Variants in DPF3 observed in about 807,000 individuals in gnomAD.
DPF3 encodes the protein double PHD fingers 3.
DPF3 carries 18 observed loss-of-function variants against 56.8 expected under a neutral mutation model. The observed-to-expected ratio is 0.32, with a 90% confidence interval of 0.22 to 0.47. DPF3 has a LOEUF of 0.47. Among genes scored for constraint, DPF3 ranks in the 20% least tolerant of loss-of-function variants. The pLI, the probability that DPF3 is intolerant of heterozygous loss-of-function variation, is 1.00. For missense variants in DPF3, 403 were observed against 488.8 expected, an observed-to-expected ratio of 0.82 and a Z score of 1.65; for synonymous variants, 188 against 180.2, an observed-to-expected ratio of 1.04 and a Z score of -0.35.
At chr14:72,644,432 A>G (rs932435633) in intron 8 of DPF3, among the ~76,000 whole-genome samples, 2 of 152,228 alleles carry the variant, frequency 1.3e-5, no homozygotes, top group African/African-American at 4.8e-5. Flanking sequence ...CTGAATGAGA[A>G]TTGATCTCGC....
chr14:72,756,928 A>AAGAAAGAAAGAAAGAAAGAAAGAAAGAAG (rs1428028523), intron 2 of DPF3, among the ~76,000 whole-genome samples: 94 of 139,164 alleles, frequency 6.8e-4, no homozygotes, highest in African/African-American at 2.2e-3. Flanking sequence ...GAAAGAAAGA[A>AAGAAAGAAAGAAAGAAAGAAAGAAAGAAG]AGAAGAGAAG....
chr14:72,825,390 CCATT>C (rs1883750346), intron 1 of DPF3, among the ~76,000 whole-genome samples: 1 of 152,216 alleles, frequency 6.6e-6, no homozygotes, highest in Non-Finnish European at 1.5e-5. Flanking sequence ...ATTCCTGCAT[CCATT>C]CATTCATTTG....
rs146940938 is a variant in DPF3 at position 72,616,570 on chromosome 14, G to C, written c.*2727C>G. ...AGACAAGCATGGCTCTGCAGTGCTT[G>C]TTTATGTAACATGATGCTTAAGAGT... On this transcript the variant is annotated 3_prime_UTR_variant, in exon 11 of 11. Transcript: ENST00000556509. Among the ~76,000 whole-genome samples the C allele has an allele frequency of 6.6e-6, 1 of 152,154 alleles. No homozygotes were observed. Among genetic ancestry groups the C allele is most frequent in the Non-Finnish European group, 1.5e-5 (1 of 68,024 alleles).
chr14:72,893,996 A>C (rs1886883558), intron 1 of DPF3, 61 bp downstream of exon 1: 13 of 1,581,988 alleles, frequency 8.2e-6, no homozygotes, highest in Non-Finnish European at 1.0e-5. Context: ...GCCACGCAGA[A>C]GGCGCCTTTT....
intron 1 of DPF3, among the ~76,000 whole-genome samples, chr14:72,812,181 T>C (rs1370924470): frequency 6.6e-6 from 1 of 152,076 alleles, no homozygotes; most frequent in East Asian, 1.9e-4. Context: ...CCTTCTCTCA[T>C]AGTCCCTTAC....
chr14:72,835,551 G>A (rs1176225013), intron 1 of DPF3, among the ~76,000 whole-genome samples: 3 of 152,176 alleles, frequency 2.0e-5, no homozygotes, highest in Non-Finnish European at 4.4e-5. Context: ...ACAAGGAGCT[G>A]GGGAAGCAGT....
chr14:72,780,530 G>C (rs1016294046), intron 1 of DPF3, among the ~76,000 whole-genome samples: 2 of 152,234 alleles, frequency 1.3e-5, no homozygotes, highest in Non-Finnish European at 2.9e-5. Flanking sequence ...CTTCACAGTT[G>C]AGAGGTGCTT....
At chr14:72,867,125 G>A (rs544287211) in intron 1 of DPF3, among the ~76,000 whole-genome samples, 18 of 151,836 alleles carry the variant, frequency 1.2e-4, no homozygotes, top group East Asian at 3.9e-4. Flanking sequence ...TCAAACTCCC[G>A]GGCTCCAACA....
Position 72,707,631 on chromosome 14 carries a change from G to A in DPF3, c.604+6792C>T, listed in dbSNP as rs141848302. On this transcript the variant is annotated intron_variant, in intron 6 of 10. Transcript: ENST00000556509. Reference sequence around the variant, plus strand: ...CTGATGTATCACTGAGTGGGGCAGCGGGGCGTTAAAATGGTACGTATCATT... The same window carrying A: ...CTGATGTATCACTGAGTGGGGCAGCAGGGCGTTAAAATGGTACGTATCATT... Among the ~76,000 whole-genome samples the A allele has an allele frequency of 2.1e-3, 316 of 152,232 alleles. 1 individual carries two copies. Among genetic ancestry groups the A allele is most frequent in the African/African-American group, 3.7e-3 (153 of 41,540 alleles).
At chr14:72,878,298 G>C (rs1368321340) in intron 1 of DPF3, among the ~76,000 whole-genome samples, 1 of 152,186 alleles carries the variant, frequency 6.6e-6, no homozygotes, top group Non-Finnish European at 1.5e-5. Flanking sequence ...CAATACAAGA[G>C]AGAAAGGCCC....
At chr14:72,704,874 A>T (rs1043287090) in intron 6 of DPF3, among the ~76,000 whole-genome samples, 1 of 151,728 alleles carries the variant, frequency 6.6e-6, no homozygotes, top group African/African-American at 2.4e-5. Context: ...CGTCTATTTC[A>T]CTGCTGCTAT....
At chr14:72,753,137 G>T in intron 3 of DPF3, 127 bp downstream of exon 3, 1 of 742,100 alleles carries the variant, frequency 1.3e-6, no homozygotes, top group Non-Finnish European at 2.2e-6. Flanking sequence ...AGCATGATGT[G>T]GGCATGTTCC....
chr14:72,711,359 G>T (rs1485734012), intron 6 of DPF3, among the ~76,000 whole-genome samples: 1 of 152,100 alleles, frequency 6.6e-6, no homozygotes, highest in Non-Finnish European at 1.5e-5. Context: ...TGTTTATTGA[G>T]ACTCAATGGG....
chr14:72,698,834 A>G (rs573821291), intron 6 of DPF3, among the ~76,000 whole-genome samples: 2 of 151,714 alleles, frequency 1.3e-5, no homozygotes, highest in East Asian at 1.9e-4. Flanking sequence ...ATCTGTATGC[A>G]TCTCTCCCAC....
At chr14:72,801,116 T>C (rs1892874489) in intron 1 of DPF3, among the ~76,000 whole-genome samples, 1 of 152,160 alleles carries the variant, frequency 6.6e-6, no homozygotes, top group African/African-American at 2.4e-5. Flanking sequence ...CAGGTAGCTG[T>C]GAAAAGCTGG....
intron 6 of DPF3, among the ~76,000 whole-genome samples, chr14:72,696,752 C>A (rs1235909371): frequency 2.0e-5 from 3 of 152,232 alleles, no homozygotes. Context: ...TTTGCTAGAA[C>A]AGAGATTCTC....
rs1240444902 is a variant in DPF3 at position 72,659,464 on chromosome 14, T to C, written c.871+14776A>G. On this transcript the variant is annotated intron_variant, in intron 8 of 10. Coordinates refer to ENST00000556509, the MANE Select transcript of DPF3 (RefSeq NM_001280542.3). The stretch of plus-strand genomic sequence containing the variant: ...GTCAGTCCCTGTCCTCATGGCCCAC[T>C]ATTATGGACATTTGATCATCCTGGA... 2.0e-5 allele frequency among the ~76,000 whole-genome samples: 3 copies of C among 152,314 alleles called. No homozygotes were observed. In the East Asian group the frequency reaches 5.8e-4, roughly 29 times the overall value.
chr14:72,632,345 T>C (rs1885216742), intron 8 of DPF3, among the ~76,000 whole-genome samples: 1 of 152,214 alleles, frequency 6.6e-6, no homozygotes, highest in African/African-American at 2.4e-5. Context: ...ATAAAGTCTA[T>C]GATTGCATTA....
At chr14:72,882,663 C>T (rs1365936403) in intron 1 of DPF3, among the ~76,000 whole-genome samples, 1 of 152,088 alleles carries the variant, frequency 6.6e-6, no homozygotes, top group Admixed American at 6.6e-5. Flanking sequence ...TACCATAGAG[C>T]GCTCCCACGA....
Sources: gnomAD v4.1 joint callset for allele counts (sites outside exome capture counted in the v4.1 genomes callset) on GRCh38, gnomAD v4.1.1 for gene constraint, MANE v1.5 for transcripts, NCBI Gene and HGNC (gene_info 2026-07-23, HGNC 2026-07-21) for gene names.